Variants in EXOC4 observed in about 807,000 individuals in gnomAD.
EXOC4 encodes SEC8-like 1.
In EXOC4, 71 loss-of-function variants were observed where a neutral mutation model predicts 107.2. The ratio of observed to expected loss-of-function variants is 0.66; its 90% CI spans 0.55 to 0.81. The LOEUF is 0.81. EXOC4 is among the 30% of genes least tolerant of loss of function. The pLI, the probability that EXOC4 is intolerant of heterozygous loss-of-function variation, is 0.00. For synonymous variants in EXOC4, 456 were observed against 441.2 expected (o/e 1.03, Z -0.42); for missense variants, 1,108 against 1,189.6 (o/e 0.93, Z 1.01).
At chr7:133,979,322 A>G (rs536362023) in intron 14 of EXOC4, among the ~76,000 whole-genome samples, 1 of 152,210 alleles carries the variant, frequency 6.6e-6, no homozygotes, top group South Asian at 2.1e-4. Flanking sequence ...GTGTGATTAC[A>G]CTCAAGTAAT....
Position 133,862,735 on chromosome 7 carries a change from T to C in EXOC4, c.1735-32864T>C, listed in dbSNP as rs116216694. Among the ~76,000 whole-genome samples the C allele has an allele frequency of 2.4e-3, 366 of 152,342 alleles. 5 individuals carry two copies. Among genetic ancestry groups the C allele is most frequent in the African/African-American group, 8.2e-3 (342 of 41,586 alleles). On this transcript the variant is annotated intron_variant, in intron 11 of 17. Coordinates refer to ENST00000253861, the MANE Select transcript of EXOC4 (RefSeq NM_021807.4). ...TATATACTATATACATATACATGCA[T>C]ACATACATATTTCTTTTTAAAAACT... is the stretch of plus-strand genomic sequence containing the variant.
chr7:133,830,174 G>A (rs1797779732), intron 11 of EXOC4, among the ~76,000 whole-genome samples: 1 of 152,164 alleles, frequency 6.6e-6, no homozygotes, highest in South Asian at 2.1e-4. Flanking sequence ...TTCAACCACA[G>A]GAGCTTAATT....
intron 10 of EXOC4, among the ~76,000 whole-genome samples, chr7:133,791,660 C>T (rs1264176164): frequency 6.6e-6 from 1 of 152,186 alleles, no homozygotes; most frequent in Non-Finnish European, 1.5e-5. Context: ...GTGAAAACGA[C>T]TTTGCACACT....
intron 9 of EXOC4, among the ~76,000 whole-genome samples, chr7:133,496,934 A>T (rs534606368): frequency 6.6e-6 from 1 of 152,294 alleles, no homozygotes; most frequent in South Asian, 2.1e-4. Context: ...TGGGCCTCAC[A>T]TGACATTTGA....
chr7:133,653,717 A>G (rs1396555383), intron 10 of EXOC4, among the ~76,000 whole-genome samples: 5 of 152,204 alleles, frequency 3.3e-5, no homozygotes, highest in Non-Finnish European at 5.9e-5. Context: ...GCCTGACTTT[A>G]TGAACCTTTT....
At chr7:133,922,270 A>G (rs1418331426) in intron 13 of EXOC4, among the ~76,000 whole-genome samples, 1 of 152,228 alleles carries the variant, frequency 6.6e-6, no homozygotes, top group Non-Finnish European at 1.5e-5. Context: ...CTTTAGCAAT[A>G]AGAACATAGC....
intron 11 of EXOC4, among the ~76,000 whole-genome samples, chr7:133,855,059 C>CTAAATATATCTAAATATATA (rs1798322201): frequency 4.0e-5 from 2 of 50,128 alleles, no homozygotes; most frequent in African/African-American, 1.5e-4. Context: ...CTAAATATAT[C>CTAAATATATCTAAATATATA]TAAATATATC....
chr7:133,770,597 G>T (rs1238537871), intron 10 of EXOC4, among the ~76,000 whole-genome samples: 1 of 151,902 alleles, frequency 6.6e-6, no homozygotes, highest in Admixed American at 6.6e-5. Flanking sequence ...TCAGGCATCA[G>T]GGTAAACATA....
At chr7:133,772,164 C>T (rs1796257008) in intron 10 of EXOC4, among the ~76,000 whole-genome samples, 1 of 151,930 alleles carries the variant, frequency 6.6e-6, no homozygotes, top group Non-Finnish European at 1.5e-5. Context: ...AACAATTATA[C>T]AGCCGTTCTG....
chr7:133,401,809 C>T (rs1170482143), intron 7 of EXOC4, among the ~76,000 whole-genome samples: 2 of 151,844 alleles, frequency 1.3e-5, no homozygotes, highest in Non-Finnish European at 2.9e-5. Context: ...CCTTCTTCAA[C>T]CTTTTAATCT....
intron 10 of EXOC4, among the ~76,000 whole-genome samples, chr7:133,686,625 A>C (rs1434407471): frequency 6.6e-6 from 1 of 152,190 alleles, no homozygotes; most frequent in Non-Finnish European, 1.5e-5. Context: ...AATGCTCAAC[A>C]TCACTAATGA....
At chr7:133,357,386 T>C (rs1377279296) in intron 6 of EXOC4, among the ~76,000 whole-genome samples, 1 of 152,204 alleles carries the variant, frequency 6.6e-6, no homozygotes, top group Non-Finnish European at 1.5e-5. Context: ...CTAAAATCCA[T>C]GGTCTTTCCT....
the EXOC4 span, among the ~76,000 whole-genome samples, chr7:134,092,854 C>T: frequency 6.9e-6 from 1 of 145,782 alleles, no homozygotes; most frequent in Non-Finnish European, 1.5e-5. Flanking sequence ...ACCCAGGAGG[C>T]AGACATTGCA....
chr7:133,928,956 G>A (rs1257865329), intron 13 of EXOC4, among the ~76,000 whole-genome samples: 3 of 118,360 alleles, frequency 2.5e-5, no homozygotes, highest in African/African-American at 3.4e-5. Context: ...TTTTTGAGAC[G>A]GAGTCTCCAT....
intron 14 of EXOC4, among the ~76,000 whole-genome samples, chr7:133,948,527 A>G (rs1282612195): frequency 6.6e-6 from 1 of 152,214 alleles, no homozygotes; most frequent in Admixed American, 6.5e-5. Flanking sequence ...TTATTAATCA[A>G]TAGTGCATAA....
chr7:133,354,576 A>C (rs1013957318), intron 5 of EXOC4, among the ~76,000 whole-genome samples: 8 of 152,170 alleles, frequency 5.3e-5, no homozygotes, highest in Non-Finnish European at 8.8e-5. Flanking sequence ...AATTTACTTC[A>C]GCAAGAGTAG....
chr7:133,418,166 G>A (rs1034384457), intron 7 of EXOC4, among the ~76,000 whole-genome samples: 6 of 152,086 alleles, frequency 3.9e-5, no homozygotes, highest in African/African-American at 1.4e-4. Flanking sequence ...TCTTTGTTCC[G>A]TGCTTTACAT....
At chr7:133,417,243 A>G (rs983004175) in intron 7 of EXOC4, among the ~76,000 whole-genome samples, 5 of 152,198 alleles carry the variant, frequency 3.3e-5, no homozygotes, top group Admixed American at 6.5e-5. Context: ...CTTAGGCACT[A>G]AAGAGTCTAA....
At chr7:133,263,648 C>T (rs570465658) in intron 1 of EXOC4, among the ~76,000 whole-genome samples, 24 of 152,116 alleles carry the variant, frequency 1.6e-4, no homozygotes, top group Admixed American at 1.0e-3. Flanking sequence ...TCCCAAAGTG[C>T]TGGGATTACA....
Sources: allele counts gnomAD v4.1 joint callset (sites outside exome capture counted in the v4.1 genomes callset), GRCh38; gene constraint gnomAD v4.1.1; transcripts MANE v1.5; gene names NCBI Gene and HGNC (gene_info 2026-07-23, HGNC 2026-07-21).